Variants in SLC7A5 observed in about 807,000 individuals in gnomAD.
The protein encoded by SLC7A5 is large neutral amino acids transporter small subunit 1.
A neutral mutation model predicts 50.2 loss-of-function variants in SLC7A5; 23 were observed. The observed-to-expected ratio is 0.46, with a 90% CI of 0.33 to 0.65. The LOEUF is 0.65. Ranked by LOEUF, SLC7A5 falls within the 30% of genes least tolerant of loss-of-function variation. The pLI, the probability that SLC7A5 is intolerant of heterozygous loss-of-function variation, is 0.02. For missense variants in SLC7A5, 578 were observed against 684.4 expected (o/e 0.84, Z 1.73); for synonymous variants, 393 against 330.6 (o/e 1.19, Z -2.05).
chr16:87,838,015 G>A (rs886346380), intron 6 of SLC7A5, 74 bp from the exon 7 acceptor site: 34 of 1,196,614 alleles, frequency 2.8e-5, no homozygotes, highest in Non-Finnish European at 1.1e-5. Flanking sequence ...CACGCAGGCT[G>A]GGGAGTGGCA....
At position 87,869,308 on chromosome 16, in the gene SLC7A5, C is replaced by A; in HGVS notation, c.115G>T (p.Gly39Cys). 1 of 1,611,218 alleles carries A rather than the reference C, an allele frequency of 6.2e-7. No individual in the cohort carries two copies. Among genetic ancestry groups the A allele is most frequent in the South Asian group, 1.1e-5 (1 of 91,000 alleles). ...AKSADGSAPAGEGEGVTLQRN... is the reference protein window; with the variant it reads ...AKSADGSAPACEGEGVTLQRN... The stretch of plus-strand genomic sequence containing the variant: ...TGCAGGGTCACGCCCTCGCCCTCGC[C>A]TGCCGGCGCCGAGCCGTCCGCGCTC... The change falls in exon 1 of 10, where the codon GGC becomes TGC. Residue 39 changes from glycine to cysteine, a missense_variant. This residue lies in a region of SLC7A5 where 113 missense variants were observed against 89.8 expected (regional missense o/e 1.26). Transcript: ENST00000261622.
chr16:87,834,634 G>C, intron 8 of SLC7A5, 43 bp from the exon 9 acceptor site: 1 of 1,554,078 alleles, frequency 6.4e-7, no homozygotes, highest in East Asian at 2.4e-5. Flanking sequence ...CTCCTGTCCA[G>C]CCTCCCTCCC....
At position 87,864,471 on chromosome 16, in the gene SLC7A5, CT is replaced by C. The variant is rs767536466; in HGVS notation, c.538+4413del. 2.6e-5 allele frequency among the ~76,000 whole-genome samples: 4 copies of C among 152,236 alleles called. No homozygotes were observed. The South Asian group carries it at 8.3e-4, about 32-fold the overall frequency. On this transcript the variant is annotated intron_variant, in intron 1 of 9. Transcript: ENST00000261622. ...CCCCCTGCACCTGTCAGAAGCCCCC[CT>C]ATAAGGGCAGGGTCTCCCTTCCCGG... is the stretch of plus-strand genomic sequence containing the variant.
chr16:87,844,986 GAC>G (rs2055132208), intron 2 of SLC7A5, among the ~76,000 whole-genome samples: 1 of 152,350 alleles, frequency 6.6e-6, no homozygotes, highest in Admixed American at 6.5e-5. Context: ...TGTCCTCAGC[GAC>G]ACAGAGACAG....
rs549160652 is a variant in SLC7A5 at position 87,831,971 on chromosome 16, G to A, written c.*999C>T. 6.5e-6 allele frequency: 1 copy of A among 153,272 alleles called. No individual in the cohort carries two copies. The highest frequency in any genetic ancestry group is 2.1e-4 in the South Asian group (1 of 4,850). The allele number at this position is 153,272 out of a possible 1,614,324, so 9.5% of individuals were successfully genotyped here. ...GAGCGGGGAGGTGCCTAGGCCGGGA[G>A]TGGGAACCCAGCACCGGCCAGAAGG... On this transcript the variant is annotated 3_prime_UTR_variant, in exon 10 of 10. Coordinates refer to ENST00000261622, the MANE Select transcript of SLC7A5 (RefSeq NM_003486.7).
chr16:87,850,995 T>G (rs1416955904), intron 2 of SLC7A5, among the ~76,000 whole-genome samples: 1 of 152,210 alleles, frequency 6.6e-6, no homozygotes, highest in East Asian at 1.9e-4. Flanking sequence ...ACTCTCTTTA[T>G]TCCTTCTACC....
In SLC7A5 at chr16:87,833,228, G is replaced by A. The variant is rs1018229334; in HGVS notation, c.1469-203C>T. Among the ~76,000 whole-genome samples, 7 of 152,226 alleles carry A rather than the reference G, an allele frequency of 4.6e-5. No individual in the cohort carries two copies. Among genetic ancestry groups the A allele is most frequent in the Admixed American group, 6.5e-5 (1 of 15,286 alleles). ...GAGGCGCTGTCTTCAACTGAAATGC[G>A]GAAGTGCCACATCCCACTCGGCCCA... On this transcript the variant is annotated intron_variant, in intron 9 of 9. Transcript: ENST00000261622. The surrounding 1 kb of genome is among the most constrained non-coding windows in gnomAD (Gnocchi z 6.0).
At chr16:87,850,134 T>A (rs1382967489) in intron 2 of SLC7A5, among the ~76,000 whole-genome samples, 3 of 152,130 alleles carry the variant, frequency 2.0e-5, no homozygotes, top group Non-Finnish European at 4.4e-5. Flanking sequence ...TAAGGCGAAG[T>A]GCCACGTACA....
Position 87,840,982 on chromosome 16 carries a change from T to G in SLC7A5, c.770+68A>C, listed in dbSNP as rs1052954530. The G allele has an allele frequency of 3.7e-6, 4 of 1,093,338 alleles. No homozygotes were observed. The African/African-American group carries it at 6.2e-5, about 17-fold the overall frequency. 67.7% of individuals were successfully genotyped at this position (1,093,338 alleles called of 1,614,324 possible). ...ACTGCCCCTTGATGGCTGGGAGATT[T>G]GGGATTCCTGGACACGTCAGGGACT... On this transcript the variant is annotated intron_variant, in intron 3 of 9. Coordinates refer to ENST00000261622, the MANE Select transcript of SLC7A5 (RefSeq NM_003486.7).
At chr16:87,846,064 C>T (rs1018001930) in intron 2 of SLC7A5, among the ~76,000 whole-genome samples, 4 of 152,198 alleles carry the variant, frequency 2.6e-5, no homozygotes, top group Non-Finnish European at 5.9e-5. Flanking sequence ...GCGAGGTCTT[C>T]GAGGCCCAAA....
At chr16:87,834,270 C>T in intron 9 of SLC7A5, 144 bp downstream of exon 9, 1 of 769,762 alleles carries the variant, frequency 1.3e-6, no homozygotes, top group South Asian at 1.5e-5. Flanking sequence ...GGCTGCGTGT[C>T]ACTGGCGGAC....
At position 87,860,385 on chromosome 16, in the gene SLC7A5, CACACACACACACACATAT is replaced by C. The variant is rs2055380265; in HGVS notation, c.538+8482_538+8499del. 7.7e-6 allele frequency among the ~76,000 whole-genome samples: 1 copy of C among 129,780 alleles called. No individual in the cohort carries two copies. The highest frequency in any genetic ancestry group is 3.0e-5 in the African/African-American group (1 of 33,758). The allele number at this position is 129,780 out of a possible 152,430, so 85.1% of individuals were successfully genotyped here. A position where few individuals can be genotyped will look rare whatever the true frequency, so the allele number is the denominator to read the frequency against. ...ACACACACACACACACACACACACACACACACACACACACATATATATATAAAGAAAAAGGAAATCTTC... is the reference window on the plus strand; with the variant it reads ...ACACACACACACACACACACACACACATATATAAAGAAAAAGGAAATCTTC... On this transcript the variant is annotated intron_variant, in intron 1 of 9. Transcript: ENST00000261622. This position sits in a 1 kb window ranked among gnomAD's most constrained non-coding sequence, Gnocchi z 4.8.
chr16:87,844,972 C>A (rs1308194673), intron 2 of SLC7A5, among the ~76,000 whole-genome samples: 1 of 152,248 alleles, frequency 6.6e-6, no homozygotes. Flanking sequence ...AGGCCGACGA[C>A]AAGTGTCCTC....
rs573892868 is a variant in SLC7A5 at position 87,847,325 on chromosome 16, G to A, written c.664+4399C>T. Among the ~76,000 whole-genome samples the A allele has an allele frequency of 2.2e-3, 333 of 152,294 alleles. 1 individual carries two copies. Among genetic ancestry groups the A allele is most frequent in the African/African-American group, 7.7e-3 (322 of 41,560 alleles). The stretch of plus-strand genomic sequence containing the variant: ...TGAGGGGGCCTTTGTCAGAAACATC[G>A]TCTGGGGGCTGGACGCCCCCACCCA... On this transcript the variant is annotated intron_variant, in intron 2 of 9. Coordinates refer to ENST00000261622, the MANE Select transcript of SLC7A5 (RefSeq NM_003486.7).
At chr16:87,834,652 C>T (rs1355839180) in intron 8 of SLC7A5, 61 bp from the exon 9 acceptor site, 2 of 1,542,306 alleles carry the variant, frequency 1.3e-6, no homozygotes, top group South Asian at 2.4e-5. Flanking sequence ...CCCCCATGCC[C>T]CGAGGTTCCT....
Position 87,843,675 on chromosome 16 carries a change from C to T in SLC7A5, c.665-2520G>A, listed in dbSNP as rs1049011048. On this transcript the variant is annotated intron_variant, in intron 2 of 9. Coordinates refer to ENST00000261622, the MANE Select transcript of SLC7A5 (RefSeq NM_003486.7). ...CATGACCAGCGGGCATTCTGCACAC[C>T]GGGAGACCTGGGCTGTCACGACGGC... Among the ~76,000 whole-genome samples the T allele has an allele frequency of 3.3e-5, 5 of 152,248 alleles. No homozygotes were observed. The East Asian group carries it at 5.8e-4, about 18-fold the overall frequency.
chr16:87,844,432 G>A (rs1201241875), intron 2 of SLC7A5, among the ~76,000 whole-genome samples: 1 of 152,182 alleles, frequency 6.6e-6, no homozygotes, highest in African/African-American at 2.4e-5. Flanking sequence ...TGCGGCCATG[G>A]GAACCATCCA....
In SLC7A5 at chr16:87,832,970, CTA is replaced by C; in HGVS notation, c.1522_1523del (p.Ter508AlafsTer18). 1 of 1,613,616 alleles carries C rather than the reference CTA, an allele frequency of 6.2e-7. No homozygotes were observed. Among genetic ancestry groups the C allele is most frequent in the Middle Eastern group, 1.7e-4 (1 of 6,060 alleles). On this transcript the variant is annotated frameshift_variant and stop_lost, in exon 10 of 10. Transcript: ENST00000261622. LOFTEE classifies it high-confidence loss of function. This position sits in a 1 kb window ranked among gnomAD's most constrained non-coding sequence, Gnocchi z 4.6. ...CTCCGGCAGCCACTCGGCCTCCTGG[CTA>C]TGTCTCCTGGGGGACCACCTGCATG... is the stretch of plus-strand genomic sequence containing the variant. ...KLMQVVPQET[*>X] is the part of the protein sequence containing the mutation.
Position 87,852,977 on chromosome 16 carries a change from G to A in SLC7A5, c.539-1128C>T, listed in dbSNP as rs1248819023. On this transcript the variant is annotated intron_variant, in intron 1 of 9. Coordinates refer to ENST00000261622, the MANE Select transcript of SLC7A5 (RefSeq NM_003486.7). This position sits in a 1 kb window ranked among gnomAD's most constrained non-coding sequence, Gnocchi z 4.5. The stretch of plus-strand genomic sequence containing the variant: ...CAGCTTGAAATCTGCCAGTGGGAAC[G>A]TCTACACCCCAGAAGTGGGCAAAGG... Among the ~76,000 whole-genome samples, 1 of 152,146 alleles carries A rather than the reference G, an allele frequency of 6.6e-6. No individual in the cohort carries two copies. Among genetic ancestry groups the A allele is most frequent in the Admixed American group, 6.5e-5 (1 of 15,280 alleles).
Sources: gnomAD v4.1 joint callset for allele counts (sites outside exome capture counted in the v4.1 genomes callset) on GRCh38, gnomAD v4.1.1 for gene constraint, gnomAD v4.1.1 regional missense constraint, Gnocchi (gnomAD v3.1) non-coding constraint, MANE v1.5 for transcripts, NCBI Gene and HGNC (gene_info 2026-07-23, HGNC 2026-07-21) for gene names.